Variants in TRIO observed in about 807,000 individuals in gnomAD.
TRIO encodes the protein trio Rho guanine nucleotide exchange factor.
TRIO carries 58 observed loss-of-function variants against 351.9 expected under a neutral mutation model. That is an observed-to-expected ratio of 0.16 (90% CI 0.13 to 0.21). The LOEUF (loss-of-function observed/expected upper bound fraction) is 0.21, where lower values mean the gene tolerates loss of function less well. TRIO is among the 10% of genes least tolerant of loss of function. TRIO has a pLI of 1.00. For missense variants in TRIO, 3,201 were observed against 4,027.8 expected (o/e 0.79, Z 5.56); for synonymous variants, 1,758 against 1,595.7 (o/e 1.10, Z -2.42).
rs1249793204 is a variant in TRIO at position 14,504,591 on chromosome 5, A to C, written c.8610A>C (p.Glu2870Asp). ...ETPTSYILVLEMADQGRLLDC... is the reference protein window; with the variant it reads ...ETPTSYILVLDMADQGRLLDC... ...CCACCAGCTACATCCTGGTCTTAGA[A>C]ATGTGCGTACACACCTGGCCTTCCC... Residue 2870 changes from glutamate to aspartate, a missense_variant and splice_region_variant, in exon 55 of 57, where the codon GAA becomes GAC. Glu to Asp is a conservative substitution (Grantham distance 45). Transcript: ENST00000344204. The C allele has an allele frequency of 1.9e-6, 3 of 1,613,802 alleles. No homozygotes were observed. The highest frequency in any genetic ancestry group is 2.5e-6 in the Non-Finnish European group (3 of 1,179,974).
rs756508382 is a variant in TRIO, at chr5:14,359,775, C to T, written c.2391+244C>T. Among the ~76,000 whole-genome samples, 9 of 152,308 alleles carry T rather than the reference C, an allele frequency of 5.9e-5. No individual in the cohort carries two copies. In the South Asian group the frequency reaches 6.2e-4, roughly 11 times the overall value. ...GTTGGAAACTATAGAGCAGGCAGCTCGCGTGGCAGGAGCAGAGCACAGCAA... is the reference window on the plus strand; with the variant it reads ...GTTGGAAACTATAGAGCAGGCAGCTTGCGTGGCAGGAGCAGAGCACAGCAA... On this transcript the variant is annotated intron_variant, in intron 13 of 56. Transcript: ENST00000344204.
rs969501732 is a variant in TRIO at position 14,502,514 on chromosome 5, G to A, written c.8333-65G>A. 1.2e-5 allele frequency: 19 copies of A among 1,563,064 alleles called. No individual in the cohort carries two copies. In the East Asian group the frequency reaches 1.3e-4, roughly 11 times the overall value. ...GCTGCTGTGAGGGACAGTGCGTGGCGATAGCCTTCTTACCCAAGAAGCTCC... is the reference window on the plus strand; with the variant it reads ...GCTGCTGTGAGGGACAGTGCGTGGCAATAGCCTTCTTACCCAAGAAGCTCC... On this transcript the variant is annotated intron_variant, in intron 53 of 56. Transcript: ENST00000344204.
In TRIO at chr5:14,368,903, A is replaced by C; in HGVS notation, c.3066+4A>C. On this transcript the variant is annotated splice_donor_region_variant and intron_variant, in intron 17 of 56. Coordinates refer to ENST00000344204, the MANE Select transcript of TRIO (RefSeq NM_007118.4). ...TTTCTACAAAACCTCAGAGCAGGTC[A>C]GGGGAGAGGTTCCCTTCCTTGAACT... The C allele has an allele frequency of 6.2e-7, 1 of 1,610,648 alleles. No homozygotes were observed. The highest frequency in any genetic ancestry group is 2.2e-5 in the East Asian group (1 of 44,750).
chr5:14,398,679 T>C (rs943183857), intron 29 of TRIO, among the ~76,000 whole-genome samples: 2 of 151,850 alleles, frequency 1.3e-5, no homozygotes, highest in Non-Finnish European at 2.9e-5. Context: ...CAAAGGAAAA[T>C]ATATGTAAAG....
At chr5:14,207,519 TCTCTAC>T (rs1350111478) in intron 1 of TRIO, among the ~76,000 whole-genome samples, 1 of 41,336 alleles carries the variant, frequency 2.4e-5, no homozygotes, top group Admixed American at 2.8e-4. Context: ...CAAGACTGTC[TCTCTAC>T]ACACACACAC....
intron 9 of TRIO, among the ~76,000 whole-genome samples, chr5:14,319,132 T>TC (rs1368241934): frequency 6.6e-6 from 1 of 152,232 alleles, no homozygotes; most frequent in Non-Finnish European, 1.5e-5. Context: ...TAGCTTTTTT[T>TC]CCCCTCTCAA....
At chr5:14,367,261 TGTA>T (rs1323378886) in intron 16 of TRIO, among the ~76,000 whole-genome samples, 1 of 152,126 alleles carries the variant, frequency 6.6e-6, no homozygotes, top group Non-Finnish European at 1.5e-5. Context: ...GTTCTCCTGT[TGTA>T]GGAGCCCTGG....
At chr5:14,243,269 TAC>T (rs953489906) in intron 1 of TRIO, among the ~76,000 whole-genome samples, 7 of 152,104 alleles carry the variant, frequency 4.6e-5, no homozygotes, top group African/African-American at 1.4e-4. Context: ...CATTCGTGTG[TAC>T]CCTGCCTTTT....
intron 34 of TRIO, among the ~76,000 whole-genome samples, chr5:14,427,229 T>C (rs1430204105): frequency 6.6e-6 from 1 of 152,178 alleles, no homozygotes; most frequent in Non-Finnish European, 1.5e-5. Flanking sequence ...ACATCTCGCC[T>C]GGTGAGGTCA....
intron 33 of TRIO, among the ~76,000 whole-genome samples, chr5:14,412,927 T>C (rs1167968255): frequency 6.6e-6 from 1 of 152,180 alleles, no homozygotes; most frequent in Non-Finnish European, 1.5e-5. Context: ...ACCTCACCTC[T>C]CTGAACCTCA....
chr5:14,498,724 C>T (rs1579839218), intron 53 of TRIO, 84 bp downstream of exon 53: 3 of 1,567,988 alleles, frequency 1.9e-6, no homozygotes, highest in Non-Finnish European at 1.7e-6. Context: ...TCTGCCCTTA[C>T]ACTCCAAGTG....
chr5:14,264,425 AC>A (rs1289642687), intron 1 of TRIO, among the ~76,000 whole-genome samples: 1 of 152,124 alleles, frequency 6.6e-6, no homozygotes, highest in Non-Finnish European at 1.5e-5. Context: ...GTATTATGAA[AC>A]CCGTCCATAT....
chr5:14,310,564 G>T (rs1390419922), intron 8 of TRIO, among the ~76,000 whole-genome samples: 2 of 152,246 alleles, frequency 1.3e-5, no homozygotes, highest in Non-Finnish European at 2.9e-5. Context: ...TGATGGCAGG[G>T]TCAGTGCTAT....
intron 21 of TRIO, among the ~76,000 whole-genome samples, chr5:14,382,134 T>C (rs149250186): frequency 1.3e-5 from 2 of 152,318 alleles, no homozygotes; most frequent in East Asian, 3.9e-4. Context: ...ATTTCAAATG[T>C]ATAAGAGTGG....
intron 16 of TRIO, 87 bp downstream of exon 16, chr5:14,367,066 G>A: frequency 1.3e-6 from 2 of 1,563,336 alleles, no homozygotes; most frequent in Non-Finnish European, 1.7e-6. Context: ...CTGACCATGG[G>A]AACCACATGG....
intron 19 of TRIO, 38 bp downstream of exon 19, chr5:14,374,381 C>G (rs780626393): frequency 6.5e-7 from 1 of 1,537,776 alleles, no homozygotes; most frequent in Admixed American, 1.8e-5. Flanking sequence ...TGGCCCAGTG[C>G]ATGCCTGGCA....
At position 14,488,115 on chromosome 5, in the gene TRIO, G is replaced by A. The variant is rs375694147; in HGVS notation, c.7487G>A (p.Arg2496Gln). The change falls in exon 48 of 57, where the codon CGA (arginine) becomes CAA (glutamine). Residue 2496 changes from arginine to glutamine, a missense_variant. Arg to Gln is a conservative substitution (Grantham distance 43). Coordinates refer to ENST00000344204, the MANE Select transcript of TRIO (RefSeq NM_007118.4). Reference sequence around the variant, plus strand: ...TCCATCCCCGCCTCCCCCGCCAGCCGACCCGGCTCCTTCACCTTCCCGGGG... The same window carrying A: ...TCCATCCCCGCCTCCCCCGCCAGCCAACCCGGCTCCTTCACCTTCCCGGGG... Reference protein sequence around the residue: ...WSSIPASPASRPGSFTFPGDS... With the variant: ...WSSIPASPASQPGSFTFPGDS... The A allele has an allele frequency of 2.7e-5, 43 of 1,609,340 alleles. 1 individual carries two copies. Among genetic ancestry groups the A allele is most frequent in the Middle Eastern group, 3.3e-4 (2 of 6,064 alleles).
intron 27 of TRIO, 86 bp downstream of exon 27, chr5:14,391,076 T>A: frequency 1.0e-6 from 1 of 974,074 alleles, no homozygotes; most frequent in Non-Finnish European, 1.5e-6. Context: ...ACCTAATTGA[T>A]AGTACAATGT....
intron 34 of TRIO, among the ~76,000 whole-genome samples, chr5:14,435,653 T>C (rs1751522746): frequency 1.3e-5 from 2 of 152,218 alleles, no homozygotes. Context: ...CTATAAGAGC[T>C]GTCCCTCTGC....
Sources: gnomAD v4.1 joint callset for allele counts (sites outside exome capture counted in the v4.1 genomes callset) on GRCh38, gnomAD v4.1.1 for gene constraint, MANE v1.5 for transcripts, NCBI Gene and HGNC (gene_info 2026-07-23, HGNC 2026-07-21) for gene names.